The following ZFP14 variants were observed in gnomAD, a reference collection of about 807,000 sequenced individuals.
The protein encoded by ZFP14 is ZFP14 zinc finger protein.
In ZFP14, 22 loss-of-function variants were observed where a neutral mutation model predicts 54.5. That is an observed-to-expected ratio of 0.40 (90% CI 0.29 to 0.58). The LOEUF is 0.58. Ranked by LOEUF, ZFP14 falls within the 20% of genes least tolerant of loss-of-function variation. ZFP14 has a pLI of 0.39. For synonymous variants in ZFP14, 159 were observed against 204.0 expected (o/e 0.78, Z 1.88); for missense variants, 470 against 637.8 (o/e 0.74, Z 2.83).
intron 4 of ZFP14, among the ~76,000 whole-genome samples, chr19:36,359,025 A>T (rs1248069945): frequency 6.6e-6 from 1 of 152,182 alleles, no homozygotes; most frequent in African/African-American, 2.4e-5. Flanking sequence ...CAGAGTCCCC[A>T]CCAGCAAGAA....
At chr19:36,364,519 T>C (rs2031761119) in intron 2 of ZFP14, among the ~76,000 whole-genome samples, 1 of 152,094 alleles carries the variant, frequency 6.6e-6, no homozygotes, top group South Asian at 2.1e-4. Flanking sequence ...GTAGGAAGCC[T>C]TTCCCGCTGG....
At position 36,367,947 on chromosome 19, in the gene ZFP14, A is replaced by T; in HGVS notation, c.-55T>A. ...CTTTTCAAGATTTCTCTGTTGGAGA[A>T]CTATGGAGTCCTGATAAGCCAGAGC... is the stretch of plus-strand genomic sequence containing the variant. On this transcript the variant is annotated 5_prime_UTR_variant, in exon 2 of 5. Coordinates refer to ENST00000270001, the MANE Select transcript of ZFP14 (RefSeq NM_020917.3). 15 of 1,591,840 alleles carry T rather than the reference A, an allele frequency of 9.4e-6. No homozygotes were observed. Among genetic ancestry groups the T allele is most frequent in the Non-Finnish European group, 1.3e-5 (15 of 1,168,618 alleles).
At chr19:36,356,382 C>T (rs972057998) in intron 4 of ZFP14, among the ~76,000 whole-genome samples, 17 of 151,618 alleles carry the variant, frequency 1.1e-4, no homozygotes, top group Non-Finnish European at 2.2e-4. Context: ...GAGCCGAGAT[C>T]CCGCCACTGC....
At position 36,369,138 on chromosome 19, in the gene ZFP14, G is replaced by A. The variant is rs1020688202; in HGVS notation, c.-79-1167C>T. Among the ~76,000 whole-genome samples the A allele has an allele frequency of 5.9e-5, 9 of 151,738 alleles. No individual in the cohort carries two copies. In the East Asian group the frequency reaches 9.7e-4, roughly 16 times the overall value. On this transcript the variant is annotated intron_variant, in intron 1 of 4. Coordinates refer to ENST00000270001, the MANE Select transcript of ZFP14 (RefSeq NM_020917.3). ...ATTACAGGCGTGAGCCACCGTGCCC[G>A]GCCCCACTTTCCTTTTAGTATCCAA...
At chr19:36,368,615 C>A (rs2031832367) in intron 1 of ZFP14, among the ~76,000 whole-genome samples, 1 of 152,132 alleles carries the variant, frequency 6.6e-6, no homozygotes, top group Admixed American at 6.6e-5. Context: ...CTGAGCAGCT[C>A]CTCCTCACTC....
intron 4 of ZFP14, among the ~76,000 whole-genome samples, chr19:36,342,833 G>T (rs754980509): frequency 6.6e-6 from 1 of 152,090 alleles, no homozygotes; most frequent in East Asian, 1.9e-4. Flanking sequence ...CATGTAGAAG[G>T]CCTTTGTCTT....
intron 2 of ZFP14, among the ~76,000 whole-genome samples, chr19:36,365,230 C>T (rs1437099522): frequency 6.6e-6 from 1 of 152,112 alleles, no homozygotes; most frequent in Non-Finnish European, 1.5e-5. Context: ...CTCCAACTAG[C>T]TTTGCACATT....
rs747537579 is a variant in ZFP14 at position 36,375,384 on chromosome 19, ATT to A, written c.-80+3777_-80+3778del. 7.2e-3 allele frequency among the ~76,000 whole-genome samples: 922 copies of A among 128,678 alleles called. 6 individuals are homozygous for A. Among genetic ancestry groups the A allele is most frequent in the African/African-American group, 0.02 (670 of 33,810 alleles). The allele number at this position is 128,678 out of a possible 152,430, so 84.4% of individuals were successfully genotyped here. A position where few individuals can be genotyped will look rare whatever the true frequency, so the allele number is the denominator to read the frequency against. Reference sequence around the variant, plus strand: ...AGATTGCTGAATAAAGCAGGAAGGAATTTTTTTTTTTTTTTTTTTTTGAGACA... The same window carrying A: ...AGATTGCTGAATAAAGCAGGAAGGAATTTTTTTTTTTTTTTTTTTGAGACA... On this transcript the variant is annotated intron_variant, in intron 1 of 4. Transcript: ENST00000270001.
intron 1 of ZFP14, among the ~76,000 whole-genome samples, chr19:36,372,053 A>G (rs1171332356): frequency 5.7e-5 from 1 of 17,408 alleles, no homozygotes; most frequent in Non-Finnish European, 1.1e-4. Context: ...AAGAGAGGAA[A>G]GAAAGAAAAA....
intron 2 of ZFP14, among the ~76,000 whole-genome samples, chr19:36,363,651 A>G (rs553909911): frequency 6.6e-6 from 1 of 152,180 alleles, no homozygotes; most frequent in South Asian, 2.1e-4. Context: ...GACATCCTAC[A>G]ATGCACGGGA....
intron 4 of ZFP14, 162 bp downstream of exon 4, chr19:36,360,273 G>T (rs1048662412): frequency 1.1e-5 from 5 of 434,886 alleles, no homozygotes; most frequent in Non-Finnish European, 2.0e-5. Context: ...GCTAGTCCAG[G>T]CTTAAAAGAT....
chr19:36,340,665 C>G lies in ZFP14; in HGVS notation c.1161G>C (p.Gln387His). ...FRLRQQLVRHQRIHTREKPYE... is the reference protein window; with the variant it reads ...FRLRQQLVRHHRIHTREKPYE... ...AGGGTTTCTCACGAGTATGTATTCTCTGATGGCGAACTAGTTGTTGTCTTA... is the reference window on the plus strand; with the variant it reads ...AGGGTTTCTCACGAGTATGTATTCTGTGATGGCGAACTAGTTGTTGTCTTA... The change falls in exon 5 of 5, where the codon CAG becomes CAC. Residue 387 changes from glutamine to histidine, a missense_variant. Coordinates refer to ENST00000270001, the MANE Select transcript of ZFP14 (RefSeq NM_020917.3). The surrounding 1 kb of genome is among the most constrained non-coding windows in gnomAD (Gnocchi z 5.4). The G allele has an allele frequency of 6.2e-7, 1 of 1,614,094 alleles. No homozygotes were observed. Among genetic ancestry groups the G allele is most frequent in the Non-Finnish European group, 8.5e-7 (1 of 1,180,022 alleles).
At chr19:36,357,248 G>A (rs2031629626) in intron 4 of ZFP14, among the ~76,000 whole-genome samples, 1 of 152,140 alleles carries the variant, frequency 6.6e-6, no homozygotes, top group Non-Finnish European at 1.5e-5. Context: ...TCGCCATGTT[G>A]GCCAGGCTGG....
At chr19:36,371,920 T>G (rs938990287) in intron 1 of ZFP14, among the ~76,000 whole-genome samples, 21 of 136,494 alleles carry the variant, frequency 1.5e-4, no homozygotes, top group Admixed American at 1.4e-3. Flanking sequence ...ATCATGCCAC[T>G]ACACTCCAGC....
rs1428428964 is a variant in ZFP14 at position 36,341,915 on chromosome 19, G to A, written c.236-325C>T. Among the ~76,000 whole-genome samples, 6 of 150,860 alleles carry A rather than the reference G, an allele frequency of 4.0e-5. No individual in the cohort carries two copies. The South Asian group carries it at 8.4e-4, about 21-fold the overall frequency. ...TGCCCAGGCTGGAGTGCAGTAGTGC[G>A]ATCCCGGCTCACTGAAAGCTCCGCC... On this transcript the variant is annotated intron_variant, in intron 4 of 4. Coordinates refer to ENST00000270001, the MANE Select transcript of ZFP14 (RefSeq NM_020917.3). The surrounding 1 kb of genome is among the most constrained non-coding windows in gnomAD (Gnocchi z 4.2).
At chr19:36,361,695 C>T (rs1189148541) in intron 3 of ZFP14, among the ~76,000 whole-genome samples, 1 of 152,064 alleles carries the variant, frequency 6.6e-6, no homozygotes, top group Admixed American at 6.5e-5. Context: ...CCACCATGCC[C>T]GGCTATGAGT....
intron 4 of ZFP14, among the ~76,000 whole-genome samples, chr19:36,344,520 C>A (rs1428404203): frequency 6.6e-6 from 1 of 152,078 alleles, no homozygotes; most frequent in African/African-American, 2.4e-5. Flanking sequence ...ATTATATAAT[C>A]ATTAATTAAT....
chr19:36,364,265 G>C (rs536432110), intron 2 of ZFP14, among the ~76,000 whole-genome samples: 1 of 152,158 alleles, frequency 6.6e-6, no homozygotes, highest in Non-Finnish European at 1.5e-5. Context: ...TATATTCAGA[G>C]CCTGAGAGAG....
rs2031199957 is a variant in ZFP14, at chr19:36,336,475, G to A, written c.*3749C>T. On this transcript the variant is annotated 3_prime_UTR_variant, in exon 5 of 5. Transcript: ENST00000270001. ...GCTGGTCTCAAAATCCCGACCTCAG[G>A]TGATCCACCTGCCATGGCCTCCCAA... 1 of 152,144 alleles carries A rather than the reference G, an allele frequency of 6.6e-6. No homozygotes were observed. Among genetic ancestry groups the A allele is most frequent in the Non-Finnish European group, 1.5e-5 (1 of 68,090 alleles). 9.4% of individuals were successfully genotyped at this position (152,144 alleles called of 1,614,324 possible). A position where few individuals can be genotyped will look rare whatever the true frequency, so the allele number is the denominator to read the frequency against.
Sources: allele counts gnomAD v4.1 joint callset (sites outside exome capture counted in the v4.1 genomes callset), GRCh38; gene constraint gnomAD v4.1.1; non-coding constraint Gnocchi (gnomAD v3.1); transcripts MANE v1.5; gene names NCBI Gene and HGNC (gene_info 2026-07-23, HGNC 2026-07-21).